The following LRRC9 variants were observed in gnomAD, a reference collection of about 807,000 sequenced individuals.
LRRC9 encodes leucine rich repeat containing 9.
Under a neutral mutation model 63.2 loss-of-function variants are expected in LRRC9, and 122 were observed. The ratio of observed to expected loss-of-function variants is 1.93; its 90% confidence interval spans 1.67 to 2.24. The LOEUF (loss-of-function observed/expected upper bound fraction) is 2.24. Ranked by LOEUF, LRRC9 falls within the 30% of genes most tolerant of loss-of-function variation. The pLI, the probability that LRRC9 is intolerant of heterozygous loss-of-function variation, is 0.00. For synonymous variants in LRRC9, 366 were observed against 213.1 expected, an observed-to-expected ratio of 1.72 and a Z score of -6.25; for missense variants, 1,071 against 627.7, an observed-to-expected ratio of 1.71 and a Z score of -7.55.
chr14:60,000,339 T>C (rs755359824), intron 19 of LRRC9, among the ~76,000 whole-genome samples: 12 of 152,158 alleles, frequency 7.9e-5, no homozygotes, highest in Non-Finnish European at 1.6e-4. Context: ...TATTAGGTAC[T>C]ATGCCCACTA....
rs554704021 is a variant in LRRC9, at chr14:60,017,840, A to G, written c.3318-531A>G. On this transcript the variant is annotated intron_variant, in intron 24 of 31. Coordinates refer to ENST00000445360, the Ensembl canonical transcript of LRRC9. The surrounding 1 kb of genome is among the most constrained non-coding windows in gnomAD (Gnocchi z 4.0). The stretch of plus-strand genomic sequence containing the variant: ...AATCAAGCATTCTGTTTAATTACCA[A>G]AATGTTCACACAGGGTGGAATGCCA... Among the ~76,000 whole-genome samples the G allele has an allele frequency of 1.3e-5, 2 of 152,248 alleles. No individual in the cohort carries two copies. The highest frequency in any genetic ancestry group is 3.9e-4 in the East Asian group (2 of 5,180).
chr14:60,057,510 T>C (rs2140457737), intron 30 of LRRC9: 1 of 157,396 alleles, frequency 6.4e-6, no homozygotes, highest in Middle Eastern at 3.1e-3. Context: ...AGAAATTCTA[T>C]TCACACACAA....
rs1027723824 is a variant in LRRC9 at position 59,951,473 on chromosome 14, C to A, written c.882+6729C>A. 7.1e-4 allele frequency among the ~76,000 whole-genome samples: 96 copies of A among 134,866 alleles called. 1 individual carries two copies. Among genetic ancestry groups the A allele is most frequent in the African/African-American group, 2.4e-3 (88 of 36,606 alleles). The allele number at this position is 134,866 out of a possible 152,430, so 88.5% of individuals were successfully genotyped here. On this transcript the variant is annotated intron_variant, in intron 8 of 31. Coordinates refer to ENST00000445360, the Ensembl canonical transcript of LRRC9. Reference sequence around the variant, plus strand: ...CTCCCGTAGCTCAGAGTAATTTGATCGTCTGAAGCCTTCTTCTCTCAGCTC... The same window carrying A: ...CTCCCGTAGCTCAGAGTAATTTGATAGTCTGAAGCCTTCTTCTCTCAGCTC...
downstream of LRRC9, among the ~76,000 whole-genome samples, chr14:60,065,899 A>C (rs1369109977): frequency 6.6e-6 from 1 of 151,896 alleles, no homozygotes. Context: ...AACCGAATAC[A>C]GGCAGTGTGA....
At chr14:59,957,109 G>A (rs1482200325) in intron 8 of LRRC9, among the ~76,000 whole-genome samples, 42 of 152,080 alleles carry the variant, frequency 2.8e-4, no homozygotes, top group Admixed American at 2.7e-3. Flanking sequence ...GTGTCTTGGG[G>A]CTGCTCTTCT....
At position 60,002,246 on chromosome 14, in the gene LRRC9, T is replaced by G. The variant is rs987456391; in HGVS notation, c.2664+146T>G. ...TTAATTAAAATAGGGAAGAAACACT[T>G]AAGATCTACCCTCTTGGCAAATTTC... is the stretch of plus-strand genomic sequence containing the variant. On this transcript the variant is annotated intron_variant, in intron 20 of 31. Coordinates refer to ENST00000445360, the Ensembl canonical transcript of LRRC9. 20 of 496,056 alleles carry G rather than the reference T, an allele frequency of 4.0e-5. No individual in the cohort carries two copies. The South Asian group carries it at 5.8e-4, about 14-fold the overall frequency. 30.7% of individuals were successfully genotyped at this position (496,056 alleles called of 1,614,324 possible). A position where few individuals can be genotyped will look rare whatever the true frequency, so the allele number is the denominator to read the frequency against.
rs1345978331 is a variant in LRRC9, at chr14:59,990,356, GGGGCTC to G, written c.2211+5134_2211+5139del. Among the ~76,000 whole-genome samples, 11 of 152,150 alleles carry G rather than the reference GGGGCTC, an allele frequency of 7.2e-5. No homozygotes were observed. Among genetic ancestry groups the G allele is most frequent in the Admixed American group, 7.2e-4 (11 of 15,278 alleles). ...TAGTGGAATAGTTTTTAGATTCACA[GGGGCTC>G]GACTGCTCCAGGGACTGCTTTCTTC... On this transcript the variant is annotated intron_variant, in intron 17 of 31. Transcript: ENST00000445360. This position sits in a 1 kb window ranked among gnomAD's most constrained non-coding sequence, Gnocchi z 4.2.
chr14:59,943,053 A>G (rs1218762119), intron 7 of LRRC9, among the ~76,000 whole-genome samples: 2 of 151,858 alleles, frequency 1.3e-5, no homozygotes, highest in Non-Finnish European at 2.9e-5. Flanking sequence ...AGTTCGTTGT[A>G]TATTCTGGAT....
Position 60,051,288 on chromosome 14 carries a change from G to A in LRRC9, c.3991-1777G>A, listed in dbSNP as rs75539495. Among the ~76,000 whole-genome samples, 2,323 of 152,232 alleles carry A rather than the reference G, an allele frequency of 0.015. 59 individuals are homozygous for A. Among genetic ancestry groups the A allele is most frequent in the African/African-American group, 0.053 (2,196 of 41,544 alleles). Reference sequence around the variant, plus strand: ...ATAAGACTGGCTGGAGTGACTCCAGGCCCCCCACAAGGGGGCCCCGCCCAG... The same window carrying A: ...ATAAGACTGGCTGGAGTGACTCCAGACCCCCCACAAGGGGGCCCCGCCCAG... On this transcript the variant is annotated intron_variant, in intron 29 of 31. Transcript: ENST00000445360. The surrounding 1 kb of genome is among the most constrained non-coding windows in gnomAD (Gnocchi z 4.7).
chr14:60,043,548 A>G (rs1484920616), intron 29 of LRRC9, among the ~76,000 whole-genome samples: 1 of 152,130 alleles, frequency 6.6e-6, no homozygotes, highest in Non-Finnish European at 1.5e-5. Context: ...TGAAATAATC[A>G]TATGGTTTTT....
chr14:60,062,217 A>T (rs1894699622), intron 31 of LRRC9, 38 bp downstream of exon 32: 1 of 398,186 alleles, frequency 2.5e-6, no homozygotes, highest in East Asian at 3.6e-5. Flanking sequence ...ATCATTTCTC[A>T]TCATTAAAAA....
chr14:60,005,946 G>C (rs1304665571), intron 21 of LRRC9, among the ~76,000 whole-genome samples: 1 of 152,126 alleles, frequency 6.6e-6, no homozygotes, highest in African/African-American at 2.4e-5. Flanking sequence ...GCAAGTAAAA[G>C]TAGGCTAGAT....
chr14:59,963,911 T>C (rs927248174), intron 10 of LRRC9, among the ~76,000 whole-genome samples: 5 of 152,208 alleles, frequency 3.3e-5, no homozygotes, highest in Non-Finnish European at 7.3e-5. Context: ...CTTCAAACAT[T>C]TAAAAACGTG....
chr14:59,980,153 C>G (rs997958988), intron 15 of LRRC9, among the ~76,000 whole-genome samples: 4 of 151,944 alleles, frequency 2.6e-5, no homozygotes, highest in South Asian at 2.1e-4. Flanking sequence ...TGTTTTAAAG[C>G]CTTTAGCTTT....
chr14:59,940,643 G>T (rs977706463), intron 7 of LRRC9, among the ~76,000 whole-genome samples: 1 of 152,008 alleles, frequency 6.6e-6, no homozygotes, highest in African/African-American at 2.4e-5. Flanking sequence ...AATAGTATCT[G>T]CTTTTCAGTA....
At chr14:59,977,227 A>G in exon 14 of LRRC9, 1 of 669,484 alleles carries the variant, frequency 1.5e-6, no homozygotes. Flanking sequence ...ATATTTAGGC[A>G]TCCTCCTCAT....
chr14:59,967,117 A>G (rs1884944184), exon 12 of LRRC9: 3 of 652,432 alleles, frequency 4.6e-6, no homozygotes, highest in Non-Finnish European at 8.6e-6. Context: ...GGATGCTGGA[A>G]TGCCTTTTTT....
intron 7 of LRRC9, among the ~76,000 whole-genome samples, chr14:59,940,828 C>CA (rs1407210759): frequency 6.6e-6 from 1 of 152,046 alleles, no homozygotes; most frequent in Non-Finnish European, 1.5e-5. Context: ...TTAGTACAAA[C>CA]ATGCAACTGA....
chr14:59,954,960 A>T (rs1013813342), intron 8 of LRRC9, among the ~76,000 whole-genome samples: 4 of 152,176 alleles, frequency 2.6e-5, no homozygotes, highest in African/African-American at 9.7e-5. Flanking sequence ...TGATTTGCTT[A>T]TGTTGAACCG....
Sources: allele counts gnomAD v4.1 joint callset (sites outside exome capture counted in the v4.1 genomes callset), GRCh38; gene constraint gnomAD v4.1.1; non-coding constraint Gnocchi (gnomAD v3.1); transcripts MANE v1.5; gene names NCBI Gene and HGNC (gene_info 2026-07-23, HGNC 2026-07-21).